CACNB1: variants seen among roughly 807,000 people sequenced by gnomAD.
CACNB1 encodes the protein voltage-dependent L-type calcium channel subunit beta-1.
CACNB1 carries 29 observed loss-of-function variants against 71.6 expected under a neutral mutation model. The observed-to-expected ratio is 0.40, with a 90% CI of 0.30 to 0.55. The LOEUF is 0.55. Among genes scored for constraint, CACNB1 ranks in the 20% least tolerant of loss-of-function variants. The pLI, the probability that CACNB1 is intolerant of heterozygous loss-of-function variation, is 0.38. For missense variants in CACNB1, 623 were observed against 801.8 expected (o/e 0.78, Z 2.69); for synonymous variants, 300 against 319.6 (o/e 0.94, Z 0.65).
chr17:39,194,421 C>T lies in CACNB1; in HGVS notation c.171+463G>A, dbSNP rs2046159643. On this transcript the variant is annotated intron_variant, in intron 2 of 13. Transcript: ENST00000394303. The surrounding 1 kb of genome is among the most constrained non-coding windows in gnomAD (Gnocchi z 4.6). Reference sequence around the variant, plus strand: ...CTGTGCTTCTTAGACAGTCATGTCTCGAGGTGAGGAGCGTGTTTCCCTGGC... The same window carrying T: ...CTGTGCTTCTTAGACAGTCATGTCTTGAGGTGAGGAGCGTGTTTCCCTGGC... Among the ~76,000 whole-genome samples, 1 of 152,148 alleles carries T rather than the reference C, an allele frequency of 6.6e-6. No individual in the cohort carries two copies. The highest frequency in any genetic ancestry group is 2.1e-4 in the South Asian group (1 of 4,828).
At chr17:39,182,389 C>T (rs1455957916) in intron 11 of CACNB1, among the ~76,000 whole-genome samples, 1 of 149,452 alleles carries the variant, frequency 6.7e-6, no homozygotes, top group Non-Finnish European at 1.5e-5. Flanking sequence ...ATGGTTACCA[C>T]TATTGGCTGC....
chr17:39,193,924 A>G (rs1459751689), intron 2 of CACNB1: 1 of 155,740 alleles, frequency 6.4e-6, no homozygotes, highest in African/African-American at 2.4e-5. Flanking sequence ...CACATGTGCC[A>G]AGTGCTGTAG....
In CACNB1 at chr17:39,186,625, G is replaced by A; in HGVS notation, c.552-53C>T. 2 of 1,542,944 alleles carry A rather than the reference G, an allele frequency of 1.3e-6. No individual in the cohort carries two copies. Among genetic ancestry groups the A allele is most frequent in the South Asian group, 1.1e-5 (1 of 87,764 alleles). Reference sequence around the variant, plus strand: ...GTGAGCAAAGAGGTGGGCGTGGGGGGCTCTCATCCTCTCACATGCGGCACC... The same window carrying A: ...GTGAGCAAAGAGGTGGGCGTGGGGGACTCTCATCCTCTCACATGCGGCACC... On this transcript the variant is annotated intron_variant, in intron 5 of 13. Transcript: ENST00000394303. This position sits in a 1 kb window ranked among gnomAD's most constrained non-coding sequence, Gnocchi z 4.1.
Position 39,194,857 on chromosome 17 carries a change from C to T in CACNB1, c.171+27G>A. 1 of 1,534,328 alleles carries T rather than the reference C, an allele frequency of 6.5e-7. No individual in the cohort carries two copies. Among genetic ancestry groups the T allele is most frequent in the Non-Finnish European group, 9.0e-7 (1 of 1,111,856 alleles). ...TGGTCTCCACCAACCAGCCACCTCC[C>T]TCCTCTCCGCCCAGCCTCCCCATTA... On this transcript the variant is annotated intron_variant, in intron 2 of 13. Transcript: ENST00000394303. The surrounding 1 kb of genome is among the most constrained non-coding windows in gnomAD (Gnocchi z 4.6).
chr17:39,191,443 C>G (rs756140327), intron 3 of CACNB1, 31 bp downstream of exon 3: 1 of 1,576,030 alleles, frequency 6.3e-7, no homozygotes, highest in Non-Finnish European at 8.6e-7. Flanking sequence ...GGAAATCATG[C>G]CAGCACAGCC....
intron 3 of CACNB1, 64 bp downstream of exon 3, chr17:39,191,408 GCT>G (rs1341827787): frequency 3.8e-5 from 57 of 1,490,808 alleles, no homozygotes; most frequent in Non-Finnish European, 5.1e-5. Flanking sequence ...TTCTGTCTGG[GCT>G]CTCTCTACAG....
chr17:39,175,794 C>T lies in CACNB1; in HGVS notation c.1333-137G>A. 1 of 647,840 alleles carries T rather than the reference C, an allele frequency of 1.5e-6. No homozygotes were observed. The highest frequency in any genetic ancestry group is 2.6e-6 in the Non-Finnish European group (1 of 391,390). 40.1% of individuals were successfully genotyped at this position (647,840 alleles called of 1,614,324 possible). A position where few individuals can be genotyped will look rare whatever the true frequency, so the allele number is the denominator to read the frequency against. ...GGTGCTGGCTCTAGAGGAGGGGCCCCGGGGACAAACGGCTCTGGAGCCCAG... is the reference window on the plus strand; with the variant it reads ...GGTGCTGGCTCTAGAGGAGGGGCCCTGGGGACAAACGGCTCTGGAGCCCAG... On this transcript the variant is annotated intron_variant, in intron 13 of 13. Transcript: ENST00000394303. This position sits in a 1 kb window ranked among gnomAD's most constrained non-coding sequence, Gnocchi z 4.7.
At chr17:39,180,883 A>T (rs1483198044) in intron 11 of CACNB1, among the ~76,000 whole-genome samples, 16 of 151,220 alleles carry the variant, frequency 1.1e-4, no homozygotes, top group Admixed American at 5.9e-4. Flanking sequence ...TGGCTTATAG[A>T]CTTTAAATGG....
chr17:39,185,970 G>A (rs368538979), intron 6 of CACNB1: 20 of 1,613,044 alleles, frequency 1.2e-5, no homozygotes, highest in Admixed American at 1.7e-5. Context: ...AAGGGGATGC[G>A]TTTGCCATGG....
chr17:39,178,360 G>T, intron 11 of CACNB1: 1 of 277,972 alleles, frequency 3.6e-6, no homozygotes, highest in Non-Finnish European at 6.8e-6. Context: ...ATTGTTTGTA[G>T]GCCCGCCCAC....
chr17:39,197,564 T>G lies in CACNB1; in HGVS notation c.-69A>C. 1 of 1,241,628 alleles carries G rather than the reference T, an allele frequency of 8.1e-7. No homozygotes were observed. Among genetic ancestry groups the G allele is most frequent in the Non-Finnish European group, 1.1e-6 (1 of 916,750 alleles). The allele number at this position is 1,241,628 out of a possible 1,614,324, so 76.9% of individuals were successfully genotyped here. Reference sequence around the variant, plus strand: ...CTCCCTCAGCGCATGGGAGAGGCCGTGGGAGCCGAAAGCAGCGCGGCGCAG... The same window carrying G: ...CTCCCTCAGCGCATGGGAGAGGCCGGGGGAGCCGAAAGCAGCGCGGCGCAG... On this transcript the variant is annotated 5_prime_UTR_variant, in exon 1 of 14. Coordinates refer to ENST00000394303, the MANE Select transcript of CACNB1 (RefSeq NM_000723.5).
chr17:39,187,207 G>A (rs956610132), intron 4 of CACNB1: 25 of 599,388 alleles, frequency 4.2e-5, no homozygotes, highest in Admixed American at 2.4e-4. Flanking sequence ...TACAAAGGCC[G>A]CTGGAGTAAA....
At chr17:39,178,731 G>A (rs1446931382) in intron 11 of CACNB1, among the ~76,000 whole-genome samples, 13 of 152,056 alleles carry the variant, frequency 8.5e-5, no homozygotes. Context: ...CCTTTATGGG[G>A]CACTTGCTAC....
intron 8 of CACNB1, 52 bp downstream of exon 8, chr17:39,184,732 T>C (rs2045887591): frequency 8.0e-7 from 1 of 1,256,966 alleles, no homozygotes; most frequent in African/African-American, 1.5e-5. Flanking sequence ...CTCTGGGGTC[T>C]GAAGATCTTT....
At chr17:39,183,368 G>GAAGAAGAAGAAGAAGA (rs1433401577) in intron 11 of CACNB1, among the ~76,000 whole-genome samples, 1 of 143,762 alleles carries the variant, frequency 7.0e-6, no homozygotes, top group Non-Finnish European at 1.5e-5. Flanking sequence ...GAAGAAGAAA[G>GAAGAAGAAGAAGAAGA]GAAAGACCTC....
intron 11 of CACNB1, among the ~76,000 whole-genome samples, chr17:39,182,562 C>T (rs896489817): frequency 1.3e-5 from 2 of 150,242 alleles, no homozygotes; most frequent in African/African-American, 2.5e-5. Flanking sequence ...TTAGCCGGGC[C>T]GTGGTGGTAC....
At chr17:39,184,251 G>A (rs1003923108) in intron 9 of CACNB1, 74 bp downstream of exon 9, 3 of 1,297,672 alleles carry the variant, frequency 2.3e-6, no homozygotes, top group Admixed American at 3.9e-5. Flanking sequence ...CCAGGATTGT[G>A]ATTCGAGGCA....
chr17:39,184,938 C>A, intron 7 of CACNB1, 74 bp from the exon 8 acceptor site: 1 of 1,164,060 alleles, frequency 8.6e-7, no homozygotes, highest in Non-Finnish European at 1.3e-6. Context: ...ACTCCAGGCT[C>A]CCCCATGCAG....
At chr17:39,180,250 G>A (rs1487340827) in intron 11 of CACNB1, among the ~76,000 whole-genome samples, 6 of 148,614 alleles carry the variant, frequency 4.0e-5, no homozygotes. Context: ...CAGCCAGAGT[G>A]AGACCCTAGC....
Sources: gnomAD v4.1 joint callset for allele counts (sites outside exome capture counted in the v4.1 genomes callset) on GRCh38, gnomAD v4.1.1 for gene constraint, Gnocchi (gnomAD v3.1) non-coding constraint, MANE v1.5 for transcripts, NCBI Gene and HGNC (gene_info 2026-07-23, HGNC 2026-07-21) for gene names.